The following USP48 variants were observed in gnomAD, a reference collection of about 807,000 sequenced individuals.
The protein encoded by USP48 is ubiquitin carboxyl-terminal hydrolase 48.
Under a neutral mutation model 150.7 loss-of-function variants are expected in USP48, and 43 were observed. The ratio of observed to expected loss-of-function variants is 0.29; its 90% CI spans 0.22 to 0.37. The LOEUF (loss-of-function observed/expected upper bound fraction) is 0.37, where lower values mean the gene tolerates loss of function less well. Ranked by LOEUF, USP48 falls within the 10% of genes least tolerant of loss-of-function variation. The pLI, the probability that USP48 is intolerant of heterozygous loss-of-function variation, is 1.00. For missense variants in USP48, 813 were observed against 1,249.6 expected (o/e 0.65, Z 5.27); for synonymous variants, 396 against 425.9 (o/e 0.93, Z 0.86).
chr1:21,745,323 G>C (rs2097792054), intron 8 of USP48, among the ~76,000 whole-genome samples: 1 of 151,566 alleles, frequency 6.6e-6, no homozygotes, highest in Non-Finnish European at 1.5e-5. Context: ...AAAAATTAAG[G>C]AGACAAACAT....
intron 23 of USP48, among the ~76,000 whole-genome samples, chr1:21,692,830 T>G (rs1391183321): frequency 6.6e-6 from 1 of 152,058 alleles, no homozygotes; most frequent in Non-Finnish European, 1.5e-5. Context: ...ATATGAAAGA[T>G]GAACACACGC....
chr1:21,737,457 G>C (rs2097771199), intron 8 of USP48, among the ~76,000 whole-genome samples: 1 of 152,008 alleles, frequency 6.6e-6, no homozygotes, highest in African/African-American at 2.4e-5. Context: ...ATTTTACACG[G>C]TATTCAAAAA....
At chr1:21,745,071 A>G (rs2097791428) in intron 8 of USP48, among the ~76,000 whole-genome samples, 1 of 152,160 alleles carries the variant, frequency 6.6e-6, no homozygotes, top group South Asian at 2.1e-4. Flanking sequence ...ACAAAATTAC[A>G]TATGGTTTGT....
chr1:21,712,629 T>C (rs1274016287), intron 15 of USP48, among the ~76,000 whole-genome samples: 2 of 54,838 alleles, frequency 3.6e-5, no homozygotes, highest in Non-Finnish European at 9.4e-5. Flanking sequence ...AAAACTATCC[T>C]TTTTTTTTTT....
chr1:21,706,071 C>G (rs571728139), intron 18 of USP48, 55 bp downstream of exon 18: 1 of 1,563,956 alleles, frequency 6.4e-7, no homozygotes. Flanking sequence ...TTAAAAAATA[C>G]CAGAGTCAAC....
chr1:21,718,133 A>G (rs2152538885), intron 14 of USP48, among the ~76,000 whole-genome samples: 1 of 152,368 alleles, frequency 6.6e-6, no homozygotes, highest in Non-Finnish European at 1.5e-5. Flanking sequence ...ATAATCGGAA[A>G]ATTCTGTAAT....
At chr1:21,766,899 T>C (rs947306511) in intron 1 of USP48, among the ~76,000 whole-genome samples, 1 of 152,166 alleles carries the variant, frequency 6.6e-6, no homozygotes, top group African/African-American at 2.4e-5. Context: ...ACCCCGTCTC[T>C]ACTACAAATA....
intron 22 of USP48, among the ~76,000 whole-genome samples, chr1:21,701,111 A>T (rs1419914301): frequency 6.6e-6 from 1 of 151,280 alleles, no homozygotes; most frequent in Admixed American, 6.6e-5. Flanking sequence ...TCCTGCCTGT[A>T]ATCTCAGCAC....
At chr1:21,748,460 A>G (rs1299852095) in intron 6 of USP48, among the ~76,000 whole-genome samples, 189 bp from the exon 7 acceptor site, 1 of 152,260 alleles carries the variant, frequency 6.6e-6, no homozygotes, top group Non-Finnish European at 1.5e-5. Context: ...ATCAATTTGA[A>G]TACACTGATA....
At chr1:21,751,158 G>A (rs2097811841) in intron 6 of USP48, among the ~76,000 whole-genome samples, 1 of 152,080 alleles carries the variant, frequency 6.6e-6, no homozygotes, top group African/African-American at 2.4e-5. Flanking sequence ...ATGTAAAAAA[G>A]TTTCATATTT....
At chr1:21,679,578 A>C (rs928205136) in intron 26 of USP48, 139 bp from the exon 27 acceptor site, 1 of 998,536 alleles carries the variant, frequency 1.0e-6, no homozygotes, top group African/African-American at 1.6e-5. Flanking sequence ...GTGTGGGAGG[A>C]TAAGACAAAA....
intron 6 of USP48, among the ~76,000 whole-genome samples, chr1:21,748,880 C>T (rs2097801938): frequency 6.6e-6 from 1 of 152,154 alleles, no homozygotes; most frequent in South Asian, 2.1e-4. Context: ...CTCTGCACTC[C>T]AGCCTGGAAA....
chr1:21,732,402 TC>T (rs1272429406), intron 9 of USP48, among the ~76,000 whole-genome samples: 1 of 152,226 alleles, frequency 6.6e-6, no homozygotes, highest in African/African-American at 2.4e-5. Context: ...TTTCTACCTC[TC>T]TTTTCACAAT....
intron 22 of USP48, 39 bp downstream of exon 22, chr1:21,701,459 G>T: frequency 1.3e-6 from 2 of 1,568,006 alleles, no homozygotes; most frequent in Non-Finnish European, 1.8e-6. Context: ...TATAAGAACA[G>T]CAGAAAGTAT....
intron 6 of USP48, among the ~76,000 whole-genome samples, chr1:21,750,824 AT>A (rs2097810067): frequency 1.3e-5 from 2 of 151,766 alleles, no homozygotes; most frequent in Admixed American, 6.6e-5. Flanking sequence ...GGAGGTTGCA[AT>A]GAGCCAAGAT....
At chr1:21,702,391 C>G (rs114234827) in intron 21 of USP48, among the ~76,000 whole-genome samples, 1,558 of 151,792 alleles carry the variant, frequency 0.01, 34 homozygotes, top group African/African-American at 0.036. Context: ...ACCCAAGAGC[C>G]ATCCCTAATA....
chr1:21,722,555 A>C (rs1209032424), intron 12 of USP48, among the ~76,000 whole-genome samples: 1 of 151,614 alleles, frequency 6.6e-6, no homozygotes, highest in Non-Finnish European at 1.5e-5. Flanking sequence ...AAAAAAAAAA[A>C]AAACAGGGGC....
chr1:21,729,281 C>CAAAAAAAAAAAA (rs57704127), intron 10 of USP48, among the ~76,000 whole-genome samples: 3 of 90,424 alleles, frequency 3.3e-5, no homozygotes, highest in African/African-American at 1.1e-4. Flanking sequence ...GACTCCGCCT[C>CAAAAAAAAAAAA]AAAAAAAAAA....
chr1:21,720,767 G>C (rs2097718301), intron 14 of USP48, among the ~76,000 whole-genome samples: 1 of 152,142 alleles, frequency 6.6e-6, no homozygotes, highest in Non-Finnish European at 1.5e-5. Flanking sequence ...CTGACCTCAA[G>C]TGATCAACCT....
Sources: allele counts gnomAD v4.1 joint callset (sites outside exome capture counted in the v4.1 genomes callset), GRCh38; gene constraint gnomAD v4.1.1; transcripts MANE v1.5; gene names NCBI Gene and HGNC (gene_info 2026-07-23, HGNC 2026-07-21).